The following KRT80 variants were observed in gnomAD, a reference collection of about 807,000 sequenced individuals.
KRT80 encodes the protein keratin 80.
In KRT80, 36 loss-of-function variants were observed where a neutral mutation model predicts 51.5. The observed-to-expected ratio is 0.70, with a 90% CI of 0.54 to 0.92. The LOEUF is 0.92. KRT80 is among the 40% of genes least tolerant of loss of function. The pLI, the probability that KRT80 is intolerant of heterozygous loss-of-function variation, is 0.00. For synonymous variants in KRT80, 235 were observed against 248.3 expected, an observed-to-expected ratio of 0.95 and a Z score of 0.50; for missense variants, 566 against 591.7, an observed-to-expected ratio of 0.96 and a Z score of 0.45.
chr12:52,181,052 A>G, intron 2 of KRT80, 89 bp from the exon 3 acceptor site: 1 of 990,576 alleles, frequency 1.0e-6, no homozygotes, highest in Non-Finnish European at 1.5e-6. Flanking sequence ...GGCCTGTGCT[A>G]TCCCACTTGG....
chr12:52,176,194 C>A (rs1249977108), intron 4 of KRT80, among the ~76,000 whole-genome samples: 1 of 152,216 alleles, frequency 6.6e-6, no homozygotes, highest in African/African-American at 2.4e-5. Context: ...CGTGTTCAGA[C>A]ATGCAGGCCC....
chr12:52,173,079 T>C lies in KRT80; in HGVS notation c.916A>G (p.Ile306Val), dbSNP rs907422078. 21 of 1,613,302 alleles carry C rather than the reference T, an allele frequency of 1.3e-5. No homozygotes were observed. Among genetic ancestry groups the C allele is most frequent in the Non-Finnish European group, 1.8e-5 (21 of 1,179,400 alleles). The change falls in exon 6 of 9, where the codon ATC becomes GTC. Residue 306 changes from isoleucine (I) to valine (V), a missense_variant. Transcript: ENST00000394815. Reference protein sequence around the residue: ...RSEIADLNVRIQKLRSQILSV... With the variant: ...RSEIADLNVRVQKLRSQILSV... ...AGGATCTGGGACCGCAGCTTCTGGA[T>C]GCGCACATTGAGATCCGCGATCTCG...
chr12:52,180,786 C>T (rs1218350282), intron 3 of KRT80, 117 bp downstream of exon 3: 43 of 1,590,792 alleles, frequency 2.7e-5, no homozygotes, highest in Non-Finnish European at 3.7e-5. Flanking sequence ...TCTGTTGGTC[C>T]TGGGACTTAA....
Position 52,180,567 on chromosome 12 carries a change from G to A in KRT80, c.612C>T (p.Thr204=), listed in dbSNP as rs1941300636. The A allele has an allele frequency of 6.7e-7, 1 of 1,485,670 alleles. No individual in the cohort carries two copies. Among genetic ancestry groups the A allele is most frequent in the Admixed American group, 2.5e-5 (1 of 40,522 alleles). The allele number at this position is 1,485,670 out of a possible 1,614,324, so 92.0% of individuals were successfully genotyped here. The change falls in exon 4 of 9, where the codon ACC becomes ACT. Residue 204 remains threonine, a synonymous_variant. Coordinates refer to ENST00000394815, the MANE Select transcript of KRT80 (RefSeq NM_182507.3). ...CGAAGCTCTCCAGGCTTTTTAACTT[G>A]GTTTCCAGTTCAGTCCGATGAAGAC... ...AECLHRTELE[T]KLKSLESFVE...
chr12:52,172,569 C>T, intron 6 of KRT80, 151 bp from the exon 7 acceptor site: 1 of 703,578 alleles, frequency 1.4e-6, no homozygotes, highest in Non-Finnish European at 2.3e-6. Flanking sequence ...GGTTGCCATG[C>T]AGCAAGAGGG....
chr12:52,180,537 C>T lies in KRT80; in HGVS notation c.642G>A (p.Glu214=), dbSNP rs1941300262. ...CCTGCTCATAGATGGTTTTCATCAA[C>T]TCCACGAAGCTCTCCAGGCTTTTTA... is the stretch of plus-strand genomic sequence containing the variant. ...TKLKSLESFV[E]LMKTIYEQEL... Residue 214 remains glutamate (E), a synonymous_variant, in exon 4 of 9, where the codon GAG becomes GAA. Coordinates refer to ENST00000394815, the MANE Select transcript of KRT80 (RefSeq NM_182507.3). 1 of 1,474,208 alleles carries T rather than the reference C, an allele frequency of 6.8e-7. No individual in the cohort carries two copies. The highest frequency in any genetic ancestry group is 9.0e-7 in the Non-Finnish European group (1 of 1,113,036). 91.3% of individuals were successfully genotyped at this position (1,474,208 alleles called of 1,614,324 possible). A position where few individuals can be genotyped will look rare whatever the true frequency, so the allele number is the denominator to read the frequency against.
At chr12:52,191,035 G>A (rs2120955044) in intron 1 of KRT80, among the ~76,000 whole-genome samples, 1 of 152,268 alleles carries the variant, frequency 6.6e-6, no homozygotes, top group East Asian at 1.9e-4. Context: ...ATCGTCCCCT[G>A]CATTCCTATC....
At position 52,172,226 on chromosome 12, in the gene KRT80, T is replaced by C. The variant is rs1393521490; in HGVS notation, c.1150A>G (p.Arg384Gly). ...CCCTCCTCGCCCTCCACCAGCTTCCTGTAGGTGGCGATCTCGATGTCCAGG... is the reference window on the plus strand; with the variant it reads ...CCCTCCTCGCCCTCCACCAGCTTCCCGTAGGTGGCGATCTCGATGTCCAGG... The part of the protein sequence containing the change: ...LALDIEIATY[R>G]KLVEGEEGRM... The change falls in exon 7 of 9, where the codon AGG (arginine) becomes GGG (glycine). Residue 384 changes from arginine (R) to glycine (G), a missense_variant. Transcript: ENST00000394815. The C allele has an allele frequency of 1.2e-6, 2 of 1,613,916 alleles. No homozygotes were observed. Among genetic ancestry groups the C allele is most frequent in the South Asian group, 2.2e-5 (2 of 91,068 alleles).
At position 52,171,728 on chromosome 12, in the gene KRT80, CGGGGGGGTGGGAGAG is replaced by C; in HGVS notation, c.1179-30_1179-16del. The C allele has an allele frequency of 2.7e-5, 3 of 109,474 alleles. No homozygotes were observed. Among genetic ancestry groups the C allele is most frequent in the Middle Eastern group, 5.8e-4 (1 of 1,728 alleles). 6.8% of individuals were successfully genotyped at this position (109,474 alleles called of 1,614,324 possible). The stretch of plus-strand genomic sequence containing the variant: ...GCGAGTCCATCCTGGGGGTGGGGGA[CGGGGGGGTGGGAGAG>C]GGATATGATGGGATGCGAAGAGAGC... On this transcript the variant is annotated splice_polypyrimidine_tract_variant and intron_variant, in intron 7 of 8. Coordinates refer to ENST00000394815, the MANE Select transcript of KRT80 (RefSeq NM_182507.3).
chr12:52,191,943 C>A lies in KRT80; in HGVS notation c.-41G>T. On this transcript the variant is annotated 5_prime_UTR_variant, in exon 1 of 9. Coordinates refer to ENST00000394815, the MANE Select transcript of KRT80 (RefSeq NM_182507.3). ...AAGCAGGAGGGCCCAGGGGGGTGAGCGAGTGAGCCTGGGGTTGCGTCGGGT... is the reference window on the plus strand; with the variant it reads ...AAGCAGGAGGGCCCAGGGGGGTGAGAGAGTGAGCCTGGGGTTGCGTCGGGT... The A allele has an allele frequency of 1.4e-6, 2 of 1,432,216 alleles. No homozygotes were observed. Among genetic ancestry groups the A allele is most frequent in the Non-Finnish European group, 1.8e-6 (2 of 1,092,956 alleles). 88.7% of individuals were successfully genotyped at this position (1,432,216 alleles called of 1,614,324 possible). A position where few individuals can be genotyped will look rare whatever the true frequency, so the allele number is the denominator to read the frequency against.
At position 52,171,377 on chromosome 12, in the gene KRT80, G is replaced by T; in HGVS notation, c.*21C>A. The T allele has an allele frequency of 6.4e-7, 1 of 1,560,798 alleles. No individual in the cohort carries two copies. The highest frequency in any genetic ancestry group is 8.7e-7 in the Non-Finnish European group (1 of 1,153,970). On this transcript the variant is annotated 3_prime_UTR_variant, in exon 9 of 9. Coordinates refer to ENST00000394815, the MANE Select transcript of KRT80 (RefSeq NM_182507.3). ...CTCCTGCTGCAGTGGAGTGCCCTGG[G>T]GTTCCTGGGGTCCAGCCGCCTTACT...
At chr12:52,185,766 G>T in intron 1 of KRT80, 179 bp from the exon 2 acceptor site, 1 of 1,344,982 alleles carries the variant, frequency 7.4e-7, no homozygotes, top group Non-Finnish European at 1.0e-6. Flanking sequence ...TAAAACTGAA[G>T]ATGGTGAGAT....
chr12:52,191,312 C>T (rs1044965489), intron 1 of KRT80, among the ~76,000 whole-genome samples: 19 of 152,200 alleles, frequency 1.2e-4, no homozygotes, highest in African/African-American at 4.3e-4. Flanking sequence ...AGGTGGTCCT[C>T]CCCAGTCCCT....
At chr12:52,180,727 A>C in intron 3 of KRT80, 119 bp from the exon 4 acceptor site, 1 of 1,599,304 alleles carries the variant, frequency 6.3e-7, no homozygotes, top group Non-Finnish European at 8.5e-7. Flanking sequence ...GATCTGGCTC[A>C]GAGCCTCGAA....
In KRT80 at chr12:52,169,183, A is replaced by C. The variant is rs1941043729; in HGVS notation, c.*2215T>G. 1 of 152,112 alleles carries C rather than the reference A, an allele frequency of 6.6e-6. No individual in the cohort carries two copies. The highest frequency in any genetic ancestry group is 1.5e-5 in the Non-Finnish European group (1 of 68,028). The allele number at this position is 152,112 out of a possible 1,614,324, so 9.4% of individuals were successfully genotyped here. ...AGGTCTCAGACTCTTTTAAACAACC[A>C]TATCTATGTGAATTGAGTGAGAACT... On this transcript the variant is annotated 3_prime_UTR_variant, in exon 9 of 9. Transcript: ENST00000394815.
At chr12:52,187,137 G>A (rs188265836) in intron 1 of KRT80, among the ~76,000 whole-genome samples, 2 of 152,358 alleles carry the variant, frequency 1.3e-5, no homozygotes, top group African/African-American at 4.8e-5. Flanking sequence ...TGAGGTTGGA[G>A]GCCTGGTTGG....
At chr12:52,175,447 G>A (rs911450126) in intron 4 of KRT80, among the ~76,000 whole-genome samples, 6 of 152,022 alleles carry the variant, frequency 3.9e-5, no homozygotes, top group African/African-American at 1.2e-4. Context: ...GCGCCCTCCT[G>A]ATCCTCTGTC....
At chr12:52,180,715 G>T (rs773990270) in intron 3 of KRT80, 107 bp from the exon 4 acceptor site, 7 of 1,603,776 alleles carry the variant, frequency 4.4e-6, no homozygotes, top group Non-Finnish European at 6.0e-6. Context: ...GATTCCAGAG[G>T]AGATCTGGCT....
chr12:52,175,217 T>C (rs935022539), intron 4 of KRT80, among the ~76,000 whole-genome samples: 7 of 152,220 alleles, frequency 4.6e-5, no homozygotes, highest in African/African-American at 1.7e-4. Flanking sequence ...CATTTCTCTC[T>C]TTTTTGTTCT....
Sources: gnomAD v4.1 joint callset for allele counts (sites outside exome capture counted in the v4.1 genomes callset) on GRCh38, gnomAD v4.1.1 for gene constraint, MANE v1.5 for transcripts, NCBI Gene and HGNC (gene_info 2026-07-23, HGNC 2026-07-21) for gene names.